The following GRM5 variants were observed in gnomAD, a reference collection of about 807,000 sequenced individuals.
GRM5 encodes metabotropic glutamate receptor 5.
A neutral mutation model predicts 83.1 loss-of-function variants in GRM5; 19 were observed. The ratio of observed to expected loss-of-function variants is 0.23; its 90% CI spans 0.16 to 0.34. The LOEUF is 0.34. Among genes scored for constraint, GRM5 ranks in the 10% least tolerant of loss-of-function variants. GRM5 has a pLI of 1.00. For missense variants in GRM5, 1,160 were observed against 1,588.3 expected (o/e 0.73, Z 4.58); for synonymous variants, 675 against 633.6 (o/e 1.07, Z -0.98).
Position 88,505,218 on chromosome 11 carries a change from G to C in GRM5, c.*3374C>G, listed in dbSNP as rs925511589. 2 of 152,190 alleles carry C rather than the reference G, an allele frequency of 1.3e-5. No homozygotes were observed. The highest frequency in any genetic ancestry group is 2.1e-4 in the South Asian group (1 of 4,838). 9.4% of individuals were successfully genotyped at this position (152,190 alleles called of 1,614,324 possible). A position where few individuals can be genotyped will look rare whatever the true frequency, so the allele number is the denominator to read the frequency against. On this transcript the variant is annotated 3_prime_UTR_variant, in exon 10 of 10. Transcript: ENST00000305447. ...TGTAAATGGTAACTATAGAGATTCT[G>C]ACAGCTTGAGGGTTATTAATAAGCT...
chr11:88,820,369 C>A (rs1195776119), intron 3 of GRM5, among the ~76,000 whole-genome samples: 1 of 94,112 alleles, frequency 1.1e-5, no homozygotes. Flanking sequence ...AGCAAAACTC[C>A]ATCTCAAAAA....
Position 88,567,402 on chromosome 11 carries a change from T to A in GRM5, c.2281A>T (p.Thr761Ser), listed in dbSNP as rs778702863. Reference protein sequence around the residue: ...ILSCTFYAFKTRNVPANFNEA... With the variant: ...ILSCTFYAFKSRNVPANFNEA... The stretch of plus-strand genomic sequence containing the variant: ...TTGAAGTTAGCTGGAACATTTCTGG[T>A]CTTGAACGCATAGAAGGTGCAGCTC... The change falls in exon 8 of 10, where the codon ACC (threonine) becomes TCC (serine). Residue 761 changes from threonine (T) to serine (S), a missense_variant. Thr to Ser is a moderately conservative substitution (Grantham distance 58). Around this residue, in one of 9 missense-constraint regions of GRM5, gnomAD observed 66 missense variants for 138.6 expected, o/e 0.48. Transcript: ENST00000305447. This position sits in a 1 kb window ranked among gnomAD's most constrained non-coding sequence, Gnocchi z 7.3. 1 of 1,614,016 alleles carries A rather than the reference T, an allele frequency of 6.2e-7. No individual in the cohort carries two copies. The highest frequency in any genetic ancestry group is 1.1e-5 in the South Asian group (1 of 91,086).
intron 2 of GRM5, among the ~76,000 whole-genome samples, chr11:88,934,468 T>C (rs1937825879): frequency 6.6e-6 from 1 of 151,820 alleles, no homozygotes; most frequent in African/African-American, 2.4e-5. Context: ...GGTTAAATCA[T>C]ACCAGGACCC....
chr11:88,601,131 C>A (rs1459111375), intron 5 of GRM5, among the ~76,000 whole-genome samples: 1 of 152,092 alleles, frequency 6.6e-6, no homozygotes, highest in East Asian at 1.9e-4. Flanking sequence ...TGCGTATGTC[C>A]TTGCCCTGTT....
At chr11:88,632,004 T>A (rs1289590499) in intron 4 of GRM5, among the ~76,000 whole-genome samples, 1 of 152,128 alleles carries the variant, frequency 6.6e-6, no homozygotes, top group East Asian at 1.9e-4. Context: ...ACTATTGACA[T>A]AGAATAAACT....
chr11:88,994,348 C>T (rs1400146280), intron 2 of GRM5, among the ~76,000 whole-genome samples: 11 of 151,128 alleles, frequency 7.3e-5, no homozygotes, highest in Admixed American at 2.6e-4. Context: ...ATCAAAATTC[C>T]AATAGCATTT....
rs1555026149 is a variant in GRM5 at position 88,845,321 on chromosome 11, CT to C, written c.911+4584del. Among the ~76,000 whole-genome samples, 1,269 of 142,364 alleles carry C rather than the reference CT, an allele frequency of 8.9e-3. 7 individuals carry two copies. The highest frequency in any genetic ancestry group is 0.037 in the Middle Eastern group (9 of 244). The allele number at this position is 142,364 out of a possible 152,430, so 93.4% of individuals were successfully genotyped here. On this transcript the variant is annotated intron_variant, in intron 3 of 9. Coordinates refer to ENST00000305447, the MANE Select transcript of GRM5 (RefSeq NM_001143831.3). ...CACTGAAGGCTCAGATGATCACTTG[CT>C]TTTTTTTTTTAGCAATAAAGTATAT...
At position 88,648,866 on chromosome 11, in the gene GRM5, G is replaced by A. The variant is rs1022040245; in HGVS notation, c.1147+4302C>T. On this transcript the variant is annotated intron_variant, in intron 4 of 9. Transcript: ENST00000305447. ...TGTGACATGGTAAAATGGCTTAACA[G>A]CGGTGTAATTGGATAGTAGGAGTGG... 4.3e-4 allele frequency among the ~76,000 whole-genome samples: 65 copies of A among 150,820 alleles called. 1 individual carries two copies. The highest frequency in any genetic ancestry group is 1.6e-4 in the Non-Finnish European group (11 of 67,828).
intron 4 of GRM5, among the ~76,000 whole-genome samples, chr11:88,650,730 T>C (rs1939609779): frequency 1.3e-5 from 2 of 152,062 alleles, no homozygotes; most frequent in African/African-American, 4.8e-5. Flanking sequence ...AACTATATAT[T>C]GACTATTATA....
chr11:88,576,508 A>T (rs11020497), intron 7 of GRM5, among the ~76,000 whole-genome samples: 8,038 of 152,290 alleles, frequency 0.053, 700 homozygotes, highest in African/African-American at 0.18. Flanking sequence ...GAGGGCAAGT[A>T]AGGAATAAGG....
At chr11:88,675,393 G>C (rs1164139298) in intron 3 of GRM5, among the ~76,000 whole-genome samples, 2 of 151,936 alleles carry the variant, frequency 1.3e-5, no homozygotes, top group Non-Finnish European at 2.9e-5. Flanking sequence ...TAAGAAGAAA[G>C]AGAAAGATAT....
At chr11:88,542,766 C>T (rs903101381) in intron 8 of GRM5, among the ~76,000 whole-genome samples, 2 of 152,086 alleles carry the variant, frequency 1.3e-5, no homozygotes, top group African/African-American at 4.8e-5. Flanking sequence ...ACACTAAACT[C>T]ATGGTAAAGA....
intron 2 of GRM5, among the ~76,000 whole-genome samples, chr11:88,916,095 G>A (rs1336140616): frequency 6.6e-6 from 1 of 152,078 alleles, no homozygotes; most frequent in Admixed American, 6.6e-5. Context: ...CATTTGGTAG[G>A]AGGAGAAACA....
chr11:88,800,678 A>C (rs913606706), intron 3 of GRM5, among the ~76,000 whole-genome samples: 1 of 152,108 alleles, frequency 6.6e-6, no homozygotes, highest in African/African-American at 2.4e-5. Flanking sequence ...GATATGATGG[A>C]AACAGCAAGT....
chr11:89,012,267 T>C (rs1200367671), intron 2 of GRM5, among the ~76,000 whole-genome samples: 1 of 152,166 alleles, frequency 6.6e-6, no homozygotes, highest in East Asian at 1.9e-4. Context: ...AGGTAAAATG[T>C]ATCTGCATAT....
intron 3 of GRM5, among the ~76,000 whole-genome samples, chr11:88,709,030 T>C (rs1033462446): frequency 2.0e-5 from 3 of 151,962 alleles, no homozygotes; most frequent in African/African-American, 7.2e-5. Context: ...TATTTTCACA[T>C]TTATGTGAAA....
chr11:88,794,972 A>C (rs1035137340), intron 3 of GRM5, among the ~76,000 whole-genome samples: 3 of 152,234 alleles, frequency 2.0e-5, no homozygotes, highest in Non-Finnish European at 2.9e-5. Flanking sequence ...GATCTATTAC[A>C]TAAGAAAGAA....
intron 8 of GRM5, among the ~76,000 whole-genome samples, chr11:88,550,473 T>C (rs957542054): frequency 3.3e-5 from 5 of 152,218 alleles, no homozygotes; most frequent in Non-Finnish European, 5.9e-5. Context: ...CGTGTACCAA[T>C]TTAGTTCAAG....
intron 2 of GRM5, among the ~76,000 whole-genome samples, chr11:89,008,007 T>C (rs1940578723): frequency 6.6e-6 from 1 of 152,206 alleles, no homozygotes; most frequent in African/African-American, 2.4e-5. Context: ...AAAATTTGAA[T>C]TCCAAACTTC....
Sources: allele counts gnomAD v4.1 joint callset (sites outside exome capture counted in the v4.1 genomes callset), GRCh38; gene constraint gnomAD v4.1.1; regional missense constraint gnomAD v4.1.1; non-coding constraint Gnocchi (gnomAD v3.1); transcripts MANE v1.5; gene names NCBI Gene and HGNC (gene_info 2026-07-23, HGNC 2026-07-21).